Variants in CTTN observed in about 807,000 individuals in gnomAD.
CTTN encodes the protein src substrate cortactin.
CTTN carries 28 observed loss-of-function variants against 84.0 expected under a neutral mutation model. That is an observed-to-expected ratio of 0.33 (90% CI 0.25 to 0.46). The LOEUF (loss-of-function observed/expected upper bound fraction) is 0.46. Ranked by LOEUF, CTTN falls within the 20% of genes least tolerant of loss-of-function variation. CTTN has a pLI of 1.00. For synonymous variants in CTTN, 301 were observed against 288.8 expected, an observed-to-expected ratio of 1.04 and a Z score of -0.43; for missense variants, 641 against 723.8, an observed-to-expected ratio of 0.89 and a Z score of 1.31.
intron 8 of CTTN, among the ~76,000 whole-genome samples, chr11:70,417,526 C>T (rs572839506): frequency 2.8e-4 from 42 of 150,552 alleles, no homozygotes; most frequent in African/African-American, 9.5e-4. Flanking sequence ...GACGGAGTCT[C>T]GCTCCGTTGC....
intron 1 of CTTN, among the ~76,000 whole-genome samples, chr11:70,402,969 T>C (rs1270705963): frequency 6.6e-6 from 1 of 152,136 alleles, no homozygotes; most frequent in Non-Finnish European, 1.5e-5. Context: ...GTTGCTGAGA[T>C]TTGTCATTGG....
rs565278502 is a variant in CTTN at position 70,405,845 on chromosome 11, A to G, written c.-1+484A>G. Among the ~76,000 whole-genome samples the G allele has an allele frequency of 2.9e-4, 44 of 152,196 alleles. No individual in the cohort carries two copies. In the South Asian group the frequency reaches 5.0e-3, roughly 17 times the overall value. ...CCTCGCCAGCCCTGCAGGGACTCCC[A>G]TCCTTTCTTGCAGCCACCTTCTCAG... On this transcript the variant is annotated intron_variant, in intron 2 of 17. Transcript: ENST00000301843.
intron 1 of CTTN, among the ~76,000 whole-genome samples, chr11:70,400,866 A>C (rs1005201003): frequency 1.3e-5 from 2 of 152,218 alleles, no homozygotes; most frequent in Non-Finnish European, 2.9e-5. Flanking sequence ...GCTTTGAGTA[A>C]ACGGAGTAAA....
At chr11:70,422,871 C>G in intron 11 of CTTN, 69 bp from the exon 12 acceptor site, 1 of 1,610,166 alleles carries the variant, frequency 6.2e-7, no homozygotes, top group South Asian at 1.1e-5. Flanking sequence ...GATCTGTCTG[C>G]ATGCACCCAC....
At chr11:70,413,162 G>A (rs1312108828) in intron 5 of CTTN, among the ~76,000 whole-genome samples, 14 of 152,238 alleles carry the variant, frequency 9.2e-5, no homozygotes. Context: ...TTTTTCAATA[G>A]GGGAAATAGT....
intron 13 of CTTN, among the ~76,000 whole-genome samples, chr11:70,427,078 G>T (rs143554079): frequency 4.8e-4 from 73 of 152,098 alleles, no homozygotes; most frequent in African/African-American, 1.7e-3. Context: ...GGCCGGGTGT[G>T]GTGGCTCATA....
At chr11:70,424,028 G>A (rs958848664) in intron 12 of CTTN, among the ~76,000 whole-genome samples, 1 of 152,180 alleles carries the variant, frequency 6.6e-6, no homozygotes, top group South Asian at 2.1e-4. Context: ...GGGTGGATGT[G>A]GGGTGGACGT....
At chr11:70,434,958 G>T in intron 17 of CTTN, 68 bp from the exon 18 acceptor site, 2 of 1,563,908 alleles carry the variant, frequency 1.3e-6, no homozygotes, top group African/African-American at 2.7e-5. Context: ...GCTCTGGGTT[G>T]TGCTTTTTTT....
Position 70,407,535 on chromosome 11 carries a change from G to A in CTTN, c.105G>A (p.Lys35=). 6.2e-7 allele frequency: 1 copy of A among 1,613,828 alleles called. No homozygotes were observed. Among genetic ancestry groups the A allele is most frequent in the Non-Finnish European group, 8.5e-7 (1 of 1,179,898 alleles). ...DPDFVNDVSE[K]EQRWGAKTVQ... ...CTTTTCAGAATGATGTGAGTGAGAA[G>A]GAGCAAAGATGGGGTGCCAAGACGG... Residue 35 remains lysine, a synonymous_variant, in exon 4 of 18, where the codon AAG becomes AAA. Coordinates refer to ENST00000301843, the MANE Select transcript of CTTN (RefSeq NM_005231.4).
At chr11:70,423,855 G>T (rs2135584355) in intron 12 of CTTN, among the ~76,000 whole-genome samples, 1 of 151,940 alleles carries the variant, frequency 6.6e-6, no homozygotes, top group African/African-American at 2.4e-5. Flanking sequence ...AAGGAACACT[G>T]GGGGGGTCTA....
intron 7 of CTTN, 82 bp downstream of exon 7, chr11:70,415,799 C>A: frequency 1.4e-6 from 2 of 1,385,074 alleles, no homozygotes; most frequent in Non-Finnish European, 2.1e-6. Flanking sequence ...CGTTTCCCCG[C>A]GCTCCGGGGG....
intron 15 of CTTN, among the ~76,000 whole-genome samples, chr11:70,432,133 C>T (rs758835130): frequency 6.6e-6 from 1 of 152,172 alleles, no homozygotes; most frequent in Non-Finnish European, 1.5e-5. Flanking sequence ...CCCGACTGTC[C>T]CTCCTTGGCT....
intron 1 of CTTN, among the ~76,000 whole-genome samples, chr11:70,403,186 CTTTT>C (rs1209259210): frequency 8.7e-6 from 1 of 114,706 alleles, no homozygotes; most frequent in Admixed American, 1.0e-4. Context: ...ATAAGAGTTC[CTTTT>C]TTTTTTTTTT....
intron 4 of CTTN, 171 bp downstream of exon 4, chr11:70,407,762 T>A (rs924645688): frequency 1.0e-5 from 6 of 600,194 alleles, no homozygotes; most frequent in Admixed American, 3.1e-5. Flanking sequence ...ATATGTGTAT[T>A]TGTGTAATGT....
chr11:70,435,093 C>T lies in CTTN; in HGVS notation c.1584C>T (p.Gly528=), dbSNP rs773649113. Reference sequence around the variant, plus strand: ...CCAACATCGAGATGATTGACGACGGCTGGTGGCGCGGGGTGTGCAAGGGCC... The same window carrying T: ...CCAACATCGAGATGATTGACGACGGTTGGTGGCGCGGGGTGTGCAAGGGCC... The part of the protein sequence containing the change: ...IITNIEMIDD[G]WWRGVCKGRY... Residue 528 remains glycine, a synonymous_variant, in exon 18 of 18, where the codon GGC becomes GGT. Transcript: ENST00000301843. 6.2e-7 allele frequency: 1 copy of T among 1,614,032 alleles called. No individual in the cohort carries two copies. Among genetic ancestry groups the T allele is most frequent in the Admixed American group, 1.7e-5 (1 of 60,018 alleles).
chr11:70,409,356 C>T (rs1009867222), intron 4 of CTTN, among the ~76,000 whole-genome samples: 3 of 152,200 alleles, frequency 2.0e-5, no homozygotes, highest in African/African-American at 7.2e-5. Context: ...AAACGCTTTC[C>T]TCTCATCTTT....
At chr11:70,402,168 T>G (rs2057993607) in intron 1 of CTTN, among the ~76,000 whole-genome samples, 1 of 152,078 alleles carries the variant, frequency 6.6e-6, no homozygotes, top group Admixed American at 6.6e-5. Context: ...AAAAAAAAGT[T>G]ATTGTGTAGA....
At chr11:70,421,884 A>G (rs1224862716) in intron 11 of CTTN, 4 of 354,074 alleles carry the variant, frequency 1.1e-5, no homozygotes, top group Non-Finnish European at 2.1e-5. Context: ...TCCGGTCTCC[A>G]GCAGCATTCT....
intron 16 of CTTN, 136 bp from the exon 17 acceptor site, chr11:70,433,511 G>T: frequency 1.2e-6 from 1 of 824,364 alleles, no homozygotes; most frequent in Non-Finnish European, 2.1e-6. Context: ...GTGGGCAGGG[G>T]CAGAGGAAGG....
Sources: gnomAD v4.1 joint callset for allele counts (sites outside exome capture counted in the v4.1 genomes callset) on GRCh38, gnomAD v4.1.1 for gene constraint, MANE v1.5 for transcripts, NCBI Gene and HGNC (gene_info 2026-07-23, HGNC 2026-07-21) for gene names.